Variants in IRAK1BP1 observed in about 807,000 individuals in gnomAD.
IRAK1BP1 encodes the protein interleukin-1 receptor-associated kinase 1-binding protein 1.
Under a neutral mutation model 28.0 loss-of-function variants are expected in IRAK1BP1, and 24 were observed. That is an observed-to-expected ratio of 0.86 (90% CI 0.62 to 1.20). The LOEUF is 1.20. Ranked by LOEUF, IRAK1BP1 falls within the 50% of genes most tolerant of loss-of-function variation. IRAK1BP1 has a pLI of 0.00. For missense variants in IRAK1BP1, 336 were observed against 316.7 expected, an observed-to-expected ratio of 1.06 and a Z score of -0.46; for synonymous variants, 131 against 116.3, an observed-to-expected ratio of 1.13 and a Z score of -0.81.
the IRAK1BP1 span, among the ~76,000 whole-genome samples, chr6:78,960,444 G>T: frequency 6.7e-6 from 1 of 150,314 alleles, no homozygotes; most frequent in African/African-American, 2.4e-5. Flanking sequence ...ATATAGTTAG[G>T]AATTCCTTTT....
chr6:78,891,689 T>A (rs2127650389), intron 2 of IRAK1BP1, among the ~76,000 whole-genome samples: 1 of 152,236 alleles, frequency 6.6e-6, no homozygotes, highest in Non-Finnish European at 1.5e-5. Flanking sequence ...CTCGAACTCC[T>A]GGCCTCAGGC....
chr6:78,871,572 T>G, intron 1 of IRAK1BP1: 1 of 978,306 alleles, frequency 1.0e-6, no homozygotes, highest in Non-Finnish European at 1.2e-6. Flanking sequence ...AATGTTTGTT[T>G]CCCCCCAAAA....
At chr6:78,963,457 T>C in the IRAK1BP1 span, among the ~76,000 whole-genome samples, 3 of 152,182 alleles carry the variant, frequency 2.0e-5, no homozygotes, top group Non-Finnish European at 4.4e-5. Flanking sequence ...AGTAATTCTC[T>C]AAATAATTAC....
chr6:78,928,818 G>T (rs1772962569), intron 4 of IRAK1BP1, among the ~76,000 whole-genome samples: 1 of 152,062 alleles, frequency 6.6e-6, no homozygotes, highest in South Asian at 2.1e-4. Flanking sequence ...TATACTGATT[G>T]ATTTGTATAT....
exon 5 of IRAK1BP1, chr6:78,945,682 G>A: frequency 1.6e-6 from 1 of 619,602 alleles, no homozygotes; most frequent in Non-Finnish European, 2.8e-6. Flanking sequence ...AATAGTTTCA[G>A]CCCTTTTAGA....
Position 78,903,005 on chromosome 6 carries a change from C to T in IRAK1BP1, c.*4671C>T. 2.0e-6 allele frequency: 3 copies of T among 1,515,172 alleles called. No individual in the cohort carries two copies. The highest frequency in any genetic ancestry group is 2.7e-6 in the Non-Finnish European group (3 of 1,129,926). The allele number at this position is 1,515,172 out of a possible 1,614,324, so 93.9% of individuals were successfully genotyped here. On this transcript the variant is annotated 3_prime_UTR_variant, in exon 4 of 4. Transcript: ENST00000369940. Reference sequence around the variant, plus strand: ...TTTCTGTTTCAGCAACTCCTGGAATCCTTCTTCAACATCCCAACCAACAAT... The same window carrying T: ...TTTCTGTTTCAGCAACTCCTGGAATTCTTCTTCAACATCCCAACCAACAAT...
chr6:78,955,396 C>A, the IRAK1BP1 span: 1 of 757,514 alleles, frequency 1.3e-6, no homozygotes, highest in Admixed American at 3.1e-5. Flanking sequence ...AATGTATATG[C>A]TGGGGCACTT....
At chr6:78,870,320 C>G (rs771688336) in intron 1 of IRAK1BP1, among the ~76,000 whole-genome samples, 4 of 151,808 alleles carry the variant, frequency 2.6e-5, no homozygotes, top group Non-Finnish European at 4.4e-5. Flanking sequence ...TAACACTAAT[C>G]CCTGCCATGC....
At chr6:78,955,838 T>G in the IRAK1BP1 span, 1 of 435,066 alleles carries the variant, frequency 2.3e-6, no homozygotes, top group Non-Finnish European at 4.2e-6. Context: ...GCACACACAT[T>G]TAACCCTGAC....
chr6:78,893,882 G>A (rs745777870), intron 2 of IRAK1BP1, among the ~76,000 whole-genome samples: 13 of 151,902 alleles, frequency 8.6e-5, no homozygotes, highest in South Asian at 2.1e-4. Context: ...CAGCCTGGGC[G>A]ACAGAGCAAG....
At chr6:78,910,793 C>A (rs1480343639) in intron 4 of IRAK1BP1, among the ~76,000 whole-genome samples, 1 of 152,248 alleles carries the variant, frequency 6.6e-6, no homozygotes, top group Admixed American at 6.5e-5. Context: ...ACCCTCCCGA[C>A]CTCCGCCCTG....
chr6:78,970,396 G>C, the IRAK1BP1 span, among the ~76,000 whole-genome samples: 3 of 151,922 alleles, frequency 2.0e-5, no homozygotes, highest in Non-Finnish European at 4.4e-5. Context: ...AAAAAATAAG[G>C]AGAACTTTAC....
intron 4 of IRAK1BP1, chr6:78,937,942 G>C (rs1773336304): frequency 6.6e-6 from 1 of 151,554 alleles, no homozygotes; most frequent in African/African-American, 2.4e-5. Flanking sequence ...TTATATTTCT[G>C]AACTTTCAGT....
the IRAK1BP1 span, among the ~76,000 whole-genome samples, chr6:78,977,899 C>G: frequency 6.6e-6 from 1 of 152,032 alleles, no homozygotes. Flanking sequence ...CCACTTTATA[C>G]TGTAAATTAG....
chr6:78,906,136 T>A (rs1279427977), downstream of IRAK1BP1, among the ~76,000 whole-genome samples: 1 of 152,196 alleles, frequency 6.6e-6, no homozygotes, highest in Non-Finnish European at 1.5e-5. Context: ...ATGAGAAATT[T>A]GTTAAGTCTT....
At chr6:78,969,706 AT>A in the IRAK1BP1 span, 1 of 516,056 alleles carries the variant, frequency 1.9e-6, no homozygotes. Flanking sequence ...TTACTTTGCT[AT>A]TAACATTCCT....
At chr6:78,870,105 G>A (rs1323845534) in intron 1 of IRAK1BP1, among the ~76,000 whole-genome samples, 5 of 58,488 alleles carry the variant, frequency 8.5e-5, no homozygotes, top group African/African-American at 1.4e-4. Flanking sequence ...GTGAAACTCC[G>A]TCCCAAAAAA....
chr6:78,971,116 A>T, the IRAK1BP1 span, among the ~76,000 whole-genome samples: 1 of 152,248 alleles, frequency 6.6e-6, no homozygotes. Context: ...TAAGATGAAA[A>T]GTTATTTTCT....
At chr6:78,966,088 T>C in the IRAK1BP1 span, 2 of 1,264,432 alleles carry the variant, frequency 1.6e-6, no homozygotes, top group Non-Finnish European at 2.3e-6. Context: ...CTCATCATTC[T>C]GAAATGCATG....
Sources: allele counts gnomAD v4.1 joint callset (sites outside exome capture counted in the v4.1 genomes callset), GRCh38; gene constraint gnomAD v4.1.1; transcripts MANE v1.5; gene names NCBI Gene and HGNC (gene_info 2026-07-23, HGNC 2026-07-21).